Variants in PLCXD3 observed in about 807,000 individuals in gnomAD.
The protein encoded by PLCXD3 is PI-PLC X domain-containing protein 3.
Under a neutral mutation model 25.5 loss-of-function variants are expected in PLCXD3, and 19 were observed. That is an observed-to-expected ratio of 0.75 (90% CI 0.52 to 1.09). The LOEUF (loss-of-function observed/expected upper bound fraction) is 1.09. PLCXD3 is among the 50% of genes least tolerant of loss of function. The pLI is 0.00. For synonymous variants in PLCXD3, 174 were observed against 137.6 expected, an observed-to-expected ratio of 1.26 and a Z score of -1.85; for missense variants, 411 against 388.1, an observed-to-expected ratio of 1.06 and a Z score of -0.50.
intron 2 of PLCXD3, among the ~76,000 whole-genome samples, chr5:41,364,274 G>T (rs572352787): frequency 6.6e-6 from 1 of 152,302 alleles, no homozygotes; most frequent in African/African-American, 2.4e-5. Flanking sequence ...GAGAAACCCT[G>T]TTCAAGGATA....
chr5:41,399,704 T>G lies in PLCXD3; in HGVS notation c.104-17170A>C, dbSNP rs142412421. Among the ~76,000 whole-genome samples the G allele has an allele frequency of 5.9e-3, 899 of 152,252 alleles. 6 individuals carry two copies. The highest frequency in any genetic ancestry group is 0.02 in the African/African-American group (843 of 41,580). Reference sequence around the variant, plus strand: ...ATACAAAAAAAAATCAAAATTGTATTAAAGACTTAAATCTAAGACCTAAAA... The same window carrying G: ...ATACAAAAAAAAATCAAAATTGTATGAAAGACTTAAATCTAAGACCTAAAA... On this transcript the variant is annotated intron_variant, in intron 1 of 2. Coordinates refer to ENST00000377801, the MANE Select transcript of PLCXD3 (RefSeq NM_001005473.3).
intron 1 of PLCXD3, among the ~76,000 whole-genome samples, chr5:41,490,604 A>G (rs1748640993): frequency 6.6e-6 from 1 of 152,188 alleles, no homozygotes; most frequent in Admixed American, 6.5e-5. Context: ...TATTGCCACA[A>G]TTTCAGATCC....
intron 1 of PLCXD3, among the ~76,000 whole-genome samples, chr5:41,454,872 T>A (rs1250700145): frequency 6.6e-6 from 1 of 151,940 alleles, no homozygotes; most frequent in African/African-American, 2.4e-5. Context: ...GAAAAGAAGT[T>A]TAATTGACTC....
chr5:41,485,040 G>C lies in PLCXD3; in HGVS notation c.103+25384C>G, dbSNP rs1228568339. ...AGATTTTATTTATTCAGTTGGTCAAGAATTTGCTAGATTAACTCATAACTC... is the reference window on the plus strand; with the variant it reads ...AGATTTTATTTATTCAGTTGGTCAACAATTTGCTAGATTAACTCATAACTC... On this transcript the variant is annotated intron_variant, in intron 1 of 2. Transcript: ENST00000377801. 3.3e-5 allele frequency among the ~76,000 whole-genome samples: 5 copies of C among 152,280 alleles called. No individual in the cohort carries two copies. In the East Asian group the frequency reaches 9.6e-4, roughly 29 times the overall value.
intron 2 of PLCXD3, among the ~76,000 whole-genome samples, chr5:41,367,685 T>C (rs1403532076): frequency 1.3e-5 from 2 of 152,212 alleles, no homozygotes; most frequent in Non-Finnish European, 2.9e-5. Flanking sequence ...TTGCAACTGA[T>C]TTTTGCATCT....
At chr5:41,481,691 G>A (rs903899713) in intron 1 of PLCXD3, among the ~76,000 whole-genome samples, 1 of 152,204 alleles carries the variant, frequency 6.6e-6, no homozygotes, top group Non-Finnish European at 1.5e-5. Context: ...CACCACACCT[G>A]AAAGAAAACT....
intron 2 of PLCXD3, among the ~76,000 whole-genome samples, chr5:41,377,662 T>G (rs1037720629): frequency 6.6e-6 from 1 of 152,066 alleles, no homozygotes; most frequent in South Asian, 2.1e-4. Context: ...GAATCTGCAG[T>G]ATTTAGAACC....
intron 2 of PLCXD3, among the ~76,000 whole-genome samples, chr5:41,351,812 A>G (rs1744469619): frequency 6.6e-6 from 1 of 152,228 alleles, no homozygotes; most frequent in African/African-American, 2.4e-5. Context: ...TAAGAACCAA[A>G]CAGATCTCAG....
intron 2 of PLCXD3, among the ~76,000 whole-genome samples, chr5:41,345,109 C>G (rs1744262663): frequency 1.3e-5 from 2 of 152,142 alleles, no homozygotes; most frequent in South Asian, 4.1e-4. Flanking sequence ...TATTTTCTTT[C>G]CAAAAGTCCA....
At chr5:41,388,684 T>C (rs531470686) in intron 1 of PLCXD3, among the ~76,000 whole-genome samples, 12 of 152,110 alleles carry the variant, frequency 7.9e-5, no homozygotes, top group African/African-American at 2.6e-4. Context: ...ATAAGAAAAC[T>C]AAAACTGACA....
chr5:41,510,404 C>T lies in PLCXD3; in HGVS notation c.103+20G>A, dbSNP rs755469458. ...TGGAGCGGGCGCCGAGCGCCTAGCC[C>T]GCAGCCCCTGCGCGCCTACCTGGAA... On this transcript the variant is annotated intron_variant, in intron 1 of 2. Coordinates refer to ENST00000377801, the MANE Select transcript of PLCXD3 (RefSeq NM_001005473.3). 3.8e-6 allele frequency: 6 copies of T among 1,591,604 alleles called. No individual in the cohort carries two copies. The highest frequency in any genetic ancestry group is 1.4e-5 in the African/African-American group (1 of 73,566).
chr5:41,328,369 G>C (rs541477384), intron 2 of PLCXD3, among the ~76,000 whole-genome samples: 5 of 152,120 alleles, frequency 3.3e-5, no homozygotes, highest in Non-Finnish European at 7.4e-5. Flanking sequence ...ATAAAAATGA[G>C]TCTGCAGGAT....
intron 1 of PLCXD3, among the ~76,000 whole-genome samples, chr5:41,427,138 T>G (rs890652734): frequency 6.6e-6 from 1 of 152,190 alleles, no homozygotes; most frequent in Non-Finnish European, 1.5e-5. Context: ...TTATTCAATA[T>G]GACAATTCAT....
chr5:41,407,102 T>C (rs1466886852), intron 1 of PLCXD3, among the ~76,000 whole-genome samples: 3 of 152,112 alleles, frequency 2.0e-5, no homozygotes, highest in Non-Finnish European at 4.4e-5. Context: ...TGTTGCCTTA[T>C]ATCAAATCCC....
chr5:41,394,037 T>TA (rs77003375), intron 1 of PLCXD3, among the ~76,000 whole-genome samples: 16,573 of 152,106 alleles, frequency 0.11, 1,082 homozygotes, highest in Admixed American at 0.17. Context: ...TTATCCTAAG[T>TA]AAAAAAACTA....
At chr5:41,487,117 A>C (rs548496310) in intron 1 of PLCXD3, among the ~76,000 whole-genome samples, 10 of 152,324 alleles carry the variant, frequency 6.6e-5, no homozygotes, top group African/African-American at 2.2e-4. Flanking sequence ...TAAGTATATA[A>C]ATATAGAAAT....
chr5:41,388,487 A>AT (rs1745709028), intron 1 of PLCXD3, among the ~76,000 whole-genome samples: 1 of 152,046 alleles, frequency 6.6e-6, no homozygotes, highest in South Asian at 2.1e-4. Flanking sequence ...ACTGCCCTGA[A>AT]TGGTACCCTC....
chr5:41,325,245 A>G (rs1464086826), intron 2 of PLCXD3, among the ~76,000 whole-genome samples: 1 of 152,168 alleles, frequency 6.6e-6, no homozygotes, highest in African/African-American at 2.4e-5. Context: ...GAATATTTCT[A>G]TTTTCTGTTC....
intron 1 of PLCXD3, among the ~76,000 whole-genome samples, chr5:41,447,260 A>T (rs925096586): frequency 6.6e-5 from 10 of 152,294 alleles, no homozygotes; most frequent in Admixed American, 2.6e-4. Context: ...AGAAAGGCAG[A>T]TAGGAAAGAG....
Sources: gnomAD v4.1 joint callset for allele counts (sites outside exome capture counted in the v4.1 genomes callset) on GRCh38, gnomAD v4.1.1 for gene constraint, MANE v1.5 for transcripts, NCBI Gene and HGNC (gene_info 2026-07-23, HGNC 2026-07-21) for gene names.